KBTBD12: variants seen among roughly 807,000 people sequenced by gnomAD.
KBTBD12 encodes kelch repeat and BTB domain containing 12.
Under a neutral mutation model 58.7 loss-of-function variants are expected in KBTBD12, and 53 were observed. That is an observed-to-expected ratio of 0.90 (90% CI 0.72 to 1.14). The LOEUF (loss-of-function observed/expected upper bound fraction) is 1.14. Among genes scored for constraint, KBTBD12 ranks in the 50% most tolerant of loss-of-function variants. KBTBD12 has a pLI of 0.00. For missense variants in KBTBD12, 704 were observed against 751.3 expected, an observed-to-expected ratio of 0.94 and a Z score of 0.74; for synonymous variants, 236 against 259.8, an observed-to-expected ratio of 0.91 and a Z score of 0.88.
chr3:127,915,380 G>C lies in KBTBD12; in HGVS notation c.-319G>C, dbSNP rs1463444845. On this transcript the variant is annotated 5_prime_UTR_variant, in exon 1 of 6. Coordinates refer to ENST00000405109, the MANE Select transcript of KBTBD12 (RefSeq NM_207335.4). ...GTCTCGGGCCACTTCCAAGCAGAGG[G>C]CAGCACCTGTCCCCTCGGAGGCGCT... is the stretch of plus-strand genomic sequence containing the variant. 1.3e-5 allele frequency: 2 copies of C among 152,820 alleles called. No individual in the cohort carries two copies. The highest frequency in any genetic ancestry group is 2.9e-5 in the Non-Finnish European group (2 of 68,530). 9.5% of individuals were successfully genotyped at this position (152,820 alleles called of 1,614,324 possible). A position where few individuals can be genotyped will look rare whatever the true frequency, so the allele number is the denominator to read the frequency against.
At chr3:127,946,962 G>A (rs1447994981) in intron 4 of KBTBD12, among the ~76,000 whole-genome samples, 1 of 152,030 alleles carries the variant, frequency 6.6e-6, no homozygotes, top group Non-Finnish European at 1.5e-5. Flanking sequence ...TTTCTAGAAT[G>A]TCCACCTTAT....
chr3:127,932,724 T>C (rs1264038038), intron 4 of KBTBD12, among the ~76,000 whole-genome samples: 1 of 152,172 alleles, frequency 6.6e-6, no homozygotes, highest in Non-Finnish European at 1.5e-5. Context: ...TTGCTATTGC[T>C]AATATTGAAA....
rs1278236651 is a variant in KBTBD12, at chr3:127,985,562, C to T, written c.*1284C>T. ...GAGGGAGACAAACCCTAAGTAGAGA[C>T]AGCTTTCTTTGGTGCTGAGCTGTGT... is the stretch of plus-strand genomic sequence containing the variant. On this transcript the variant is annotated 3_prime_UTR_variant, in exon 6 of 6. Coordinates refer to ENST00000405109, the MANE Select transcript of KBTBD12 (RefSeq NM_207335.4). 1 of 152,252 alleles carries T rather than the reference C, an allele frequency of 6.6e-6. No homozygotes were observed. Among genetic ancestry groups the T allele is most frequent in the Admixed American group, 6.5e-5 (1 of 15,278 alleles). 9.4% of individuals were successfully genotyped at this position (152,252 alleles called of 1,614,324 possible). A position where few individuals can be genotyped will look rare whatever the true frequency, so the allele number is the denominator to read the frequency against.
chr3:127,928,135 A>C, intron 3 of KBTBD12, 101 bp downstream of exon 3: 1 of 1,018,210 alleles, frequency 9.8e-7, no homozygotes, highest in South Asian at 1.5e-5. Context: ...AGTGTGACTT[A>C]CATTTTGGTA....
Position 127,963,296 on chromosome 3 carries a change from C to A in KBTBD12, c.1600C>A (p.Pro534Thr). 6.2e-7 allele frequency: 1 copy of A among 1,611,726 alleles called. No homozygotes were observed. Among genetic ancestry groups the A allele is most frequent in the Non-Finnish European group, 8.5e-7 (1 of 1,179,040 alleles). The change falls in exon 5 of 6, where the codon CCA (proline) becomes ACA (threonine). Residue 534 changes from proline to threonine, a missense_variant. Physicochemically the swap from Pro to Thr is conservative, Grantham distance 38. Transcript: ENST00000405109. ...CTTTTGGCGAGAGGGCCCTCCCATG[C>A]CAAGTCCCCTCCTCTCACTCCGCAC... ...GDFWREGPPM[P>T]SPLLSLRTNS...
intron 2 of KBTBD12, among the ~76,000 whole-genome samples, chr3:127,925,772 T>G (rs1035457832): frequency 1.2e-4 from 19 of 152,204 alleles, no homozygotes; most frequent in African/African-American, 4.3e-4. Context: ...GCTTTAGGCT[T>G]AAATGAGACT....
intron 4 of KBTBD12, among the ~76,000 whole-genome samples, chr3:127,935,249 A>C (rs1939803147): frequency 6.6e-6 from 1 of 152,166 alleles, no homozygotes; most frequent in African/African-American, 2.4e-5. Flanking sequence ...TCTGTAAAGC[A>C]GCAATTGTGA....
intron 1 of KBTBD12, among the ~76,000 whole-genome samples, chr3:127,918,933 A>C (rs1236529084): frequency 6.6e-6 from 1 of 152,170 alleles, no homozygotes; most frequent in African/African-American, 2.4e-5. Context: ...AACTTTATAC[A>C]CGGTAGTGAC....
intron 2 of KBTBD12, among the ~76,000 whole-genome samples, chr3:127,925,314 C>G (rs1310950544): frequency 6.6e-6 from 1 of 152,100 alleles, no homozygotes; most frequent in Non-Finnish European, 1.5e-5. Context: ...AGAGCAGATC[C>G]CCACAGGAAG....
intron 5 of KBTBD12, among the ~76,000 whole-genome samples, chr3:127,971,711 A>T (rs1336900847): frequency 1.3e-5 from 2 of 152,210 alleles, no homozygotes; most frequent in Non-Finnish European, 2.9e-5. Flanking sequence ...ACTGGCTGCC[A>T]GTGGGACCCG....
rs1939867787 is a variant in KBTBD12 at position 127,938,309 on chromosome 3, GAA to G, written c.1492+8028_1492+8029del. 2.0e-5 allele frequency among the ~76,000 whole-genome samples: 3 copies of G among 152,262 alleles called. No homozygotes were observed. In the East Asian group the frequency reaches 5.8e-4, roughly 29 times the overall value. ...AAGTTGGGACAGGGGTGAGTGGAGT[GAA>G]AGTGTCCTAAGATCCCCTGATTATC... On this transcript the variant is annotated intron_variant, in intron 4 of 5. Coordinates refer to ENST00000405109, the MANE Select transcript of KBTBD12 (RefSeq NM_207335.4).
At chr3:127,950,960 C>T (rs1303234587) in intron 4 of KBTBD12, among the ~76,000 whole-genome samples, 1 of 152,092 alleles carries the variant, frequency 6.6e-6, no homozygotes, top group Non-Finnish European at 1.5e-5. Context: ...ACATGGGAGG[C>T]GGAGGTTGCA....
chr3:127,982,188 G>C (rs1167493469), intron 5 of KBTBD12, among the ~76,000 whole-genome samples: 1 of 152,222 alleles, frequency 6.6e-6, no homozygotes, highest in African/African-American at 2.4e-5. Flanking sequence ...AAAGAAAGGA[G>C]AGTCAGGGTA....
chr3:127,982,281 C>T (rs961380266), intron 5 of KBTBD12, among the ~76,000 whole-genome samples: 6 of 152,200 alleles, frequency 3.9e-5, no homozygotes, highest in Admixed American at 2.0e-4. Context: ...TGATTGCCCT[C>T]CCCAGGCTGG....
chr3:127,918,503 C>G (rs1214375623), intron 1 of KBTBD12, among the ~76,000 whole-genome samples: 3 of 152,016 alleles, frequency 2.0e-5, no homozygotes, highest in African/African-American at 4.8e-5. Context: ...ACGAGGTCAG[C>G]AGATTGAGAC....
At chr3:127,955,528 T>C (rs546590130) in intron 4 of KBTBD12, among the ~76,000 whole-genome samples, 65 of 152,310 alleles carry the variant, frequency 4.3e-4, no homozygotes, top group Admixed American at 1.4e-3. Context: ...TTTTGAAAAG[T>C]GTAAGTCTCA....
chr3:127,917,018 T>C lies in KBTBD12; in HGVS notation c.-113+1432T>C, dbSNP rs182580872. The stretch of plus-strand genomic sequence containing the variant: ...ACACAATGAACACAGAAAATGTCTG[T>C]AACCTCTGCTAACCAAGAGGTATGT... On this transcript the variant is annotated intron_variant, in intron 1 of 5. Coordinates refer to ENST00000405109, the MANE Select transcript of KBTBD12 (RefSeq NM_207335.4). 2.7e-4 allele frequency among the ~76,000 whole-genome samples: 41 copies of C among 152,336 alleles called. 1 individual carries two copies. The highest frequency in any genetic ancestry group is 9.4e-4 in the African/African-American group (39 of 41,580).
intron 5 of KBTBD12, among the ~76,000 whole-genome samples, chr3:127,975,969 GA>G (rs1485628255): frequency 1.3e-5 from 2 of 152,138 alleles, no homozygotes; most frequent in African/African-American, 4.8e-5. Context: ...TTACAAAAAA[GA>G]AAATGGTATA....
intron 5 of KBTBD12, among the ~76,000 whole-genome samples, chr3:127,967,478 ATAGGG>A (rs764434038): frequency 3.3e-5 from 5 of 152,230 alleles, no homozygotes; most frequent in Non-Finnish European, 7.3e-5. Flanking sequence ...CCATAGGTAG[ATAGGG>A]TAGGAATGTG....
Sources: gnomAD v4.1 joint callset for allele counts (sites outside exome capture counted in the v4.1 genomes callset) on GRCh38, gnomAD v4.1.1 for gene constraint, MANE v1.5 for transcripts, NCBI Gene and HGNC (gene_info 2026-07-23, HGNC 2026-07-21) for gene names.